The following KIF20B variants were observed in gnomAD, a reference collection of about 807,000 sequenced individuals.
KIF20B encodes kinesin family member 20B.
In KIF20B, 188 loss-of-function variants were observed where a neutral mutation model predicts 232.5. The ratio of observed to expected loss-of-function variants is 0.81; its 90% CI spans 0.72 to 0.91. The LOEUF (loss-of-function observed/expected upper bound fraction) is 0.91, where lower values mean the gene tolerates loss of function less well. Among genes scored for constraint, KIF20B ranks in the 40% least tolerant of loss-of-function variants. The probability of loss-of-function intolerance (pLI) is 0.00; values close to 1 mark genes in which losing one functional copy is unlikely to be tolerated. For missense variants in KIF20B, 2,154 were observed against 2,055.9 expected (o/e 1.05, Z -0.92); for synonymous variants, 712 against 683.0 (o/e 1.04, Z -0.66).
intron 14 of KIF20B, among the ~76,000 whole-genome samples, chr10:89,724,538 A>G (rs971293718): frequency 1.3e-5 from 2 of 152,058 alleles, no homozygotes; most frequent in Non-Finnish European, 2.9e-5. Context: ...TCAGAGAAGA[A>G]AAAAAAGAAT....
At position 89,738,997 on chromosome 10, in the gene KIF20B, G is replaced by C. The variant is rs779935159; in HGVS notation, c.3816G>C (p.Gln1272His). 6.2e-7 allele frequency: 1 copy of C among 1,613,266 alleles called. No homozygotes were observed. Among genetic ancestry groups the C allele is most frequent in the Non-Finnish European group, 8.5e-7 (1 of 1,179,574 alleles). ...EELSASSART[Q>H]NLKADLQRKE... ...TCTCTGCAAGCTCTGCTCGTACCCA[G>C]AATCTGAAAGCAGATCTTCAGAGGA... is the stretch of plus-strand genomic sequence containing the variant. Residue 1272 changes from glutamine to histidine, a missense_variant, in exon 21 of 33, where the codon CAG becomes CAC. By Grantham distance (24) the Gln-to-His change is conservative. Transcript: ENST00000371728.
intron 27 of KIF20B, 58 bp downstream of exon 27, chr10:89,758,940 T>A: frequency 9.2e-7 from 1 of 1,084,720 alleles, no homozygotes; most frequent in Non-Finnish European, 1.3e-6. Context: ...CTTAATTGAC[T>A]AACTCTTAAA....
At chr10:89,762,275 AT>A (rs1358609095) in intron 28 of KIF20B, among the ~76,000 whole-genome samples, 1 of 152,140 alleles carries the variant, frequency 6.6e-6, no homozygotes, top group Non-Finnish European at 1.5e-5. Context: ...GTAGCAAAGT[AT>A]TTGCAGCCTA....
intron 1 of KIF20B, among the ~76,000 whole-genome samples, chr10:89,703,902 G>A (rs1360934130): frequency 6.6e-6 from 1 of 151,962 alleles, no homozygotes; most frequent in Non-Finnish European, 1.5e-5. Flanking sequence ...ACAGGCGCAT[G>A]CCACCACACC....
intron 2 of KIF20B, 55 bp downstream of exon 2, chr10:89,705,496 T>C: frequency 2.0e-6 from 3 of 1,535,110 alleles, no homozygotes; most frequent in Non-Finnish European, 2.7e-6. Context: ...AATGCAAGGG[T>C]TGGCAAACAA....
At position 89,760,621 on chromosome 10, in the gene KIF20B, C is replaced by T; in HGVS notation, c.4776C>T (p.Ser1592=). ...CTCTATCGACAAGTTTTGAAATTTCCAGAAATAAAATAGAGGTGGGTATTT... is the reference window on the plus strand; with the variant it reads ...CTCTATCGACAAGTTTTGAAATTTCTAGAAATAAAATAGAGGTGGGTATTT... The part of the protein sequence containing the change: ...TEPLSTSFEI[S]RNKIEDGSVV... The change falls in exon 28 of 33, where the codon TCC becomes TCT. Residue 1592 remains serine (S), a synonymous_variant. Coordinates refer to ENST00000371728, the MANE Select transcript of KIF20B (RefSeq NM_001284259.2). 1 of 1,600,904 alleles carries T rather than the reference C, an allele frequency of 6.2e-7. No individual in the cohort carries two copies. Among genetic ancestry groups the T allele is most frequent in the South Asian group, 1.1e-5 (1 of 90,724 alleles).
intron 13 of KIF20B, among the ~76,000 whole-genome samples, chr10:89,723,320 A>G (rs1325164094): frequency 6.6e-6 from 1 of 152,222 alleles, no homozygotes; most frequent in Non-Finnish European, 1.5e-5. Context: ...TGAATGTATA[A>G]TGGTCATGTT....
intron 21 of KIF20B, among the ~76,000 whole-genome samples, chr10:89,741,263 A>C (rs1841787980): frequency 1.3e-5 from 2 of 152,174 alleles, no homozygotes; most frequent in South Asian, 2.1e-4. Flanking sequence ...TTGATCTGAC[A>C]GTAGGCGGAG....
chr10:89,765,982 G>A lies in KIF20B; in HGVS notation c.4990-2308G>A, dbSNP rs539903201. Among the ~76,000 whole-genome samples, 15 of 152,136 alleles carry A rather than the reference G, an allele frequency of 9.9e-5. No homozygotes were observed. In the South Asian group the frequency reaches 2.9e-3, roughly 30 times the overall value. On this transcript the variant is annotated intron_variant, in intron 29 of 32. Transcript: ENST00000371728. ...GCTGAATCTGACAATTATGTGTCTT[G>A]GAGTTGCTCTTCTCGAGGAGTATCT... is the stretch of plus-strand genomic sequence containing the variant.
chr10:89,736,392 T>G (rs1210180156), intron 19 of KIF20B, among the ~76,000 whole-genome samples: 1 of 151,784 alleles, frequency 6.6e-6, no homozygotes, highest in Non-Finnish European at 1.5e-5. Context: ...TAATTTATAC[T>G]GGGCACTTAC....
In KIF20B at chr10:89,737,591, A is replaced by G; in HGVS notation, c.2750A>G (p.Gln917Arg). 1.2e-6 allele frequency: 2 copies of G among 1,605,170 alleles called. No individual in the cohort carries two copies. The highest frequency in any genetic ancestry group is 1.7e-6 in the Non-Finnish European group (2 of 1,176,818). Residue 917 changes from glutamine (Q) to arginine (R), a missense_variant, in exon 20 of 33, where the codon CAG becomes CGG. Coordinates refer to ENST00000371728, the MANE Select transcript of KIF20B (RefSeq NM_001284259.2). ...AATAAACAGATTGTTCATTTTCAGCAGGAACTTTCTCTTTCTGAAAAAAAG... is the reference window on the plus strand; with the variant it reads ...AATAAACAGATTGTTCATTTTCAGCGGGAACTTTCTCTTTCTGAAAAAAAG... ...ELNKQIVHFQ[Q>R]ELSLSEKKNL...
intron 29 of KIF20B, among the ~76,000 whole-genome samples, chr10:89,764,866 A>G (rs1356536168): frequency 1.3e-5 from 2 of 152,126 alleles, no homozygotes; most frequent in African/African-American, 2.4e-5. Context: ...CTCTGATGGT[A>G]GTTTCTTTTG....
intron 19 of KIF20B, among the ~76,000 whole-genome samples, chr10:89,736,499 G>A (rs749154004): frequency 6.6e-6 from 1 of 152,108 alleles, no homozygotes; most frequent in Non-Finnish European, 1.5e-5. Flanking sequence ...TGATTATAAT[G>A]GCTAAAGTTC....
chr10:89,727,251 TCCCC>T (rs11315506), intron 16 of KIF20B, among the ~76,000 whole-genome samples: 2 of 149,036 alleles, frequency 1.3e-5, no homozygotes, highest in African/African-American at 5.0e-5. Context: ...TTTTCTGTCT[TCCCC>T]CCCCCTTTTT....
chr10:89,702,841 A>G (rs1842641228), intron 1 of KIF20B, among the ~76,000 whole-genome samples: 1 of 151,442 alleles, frequency 6.6e-6, no homozygotes, highest in African/African-American at 2.4e-5. Flanking sequence ...TAAGTCGCTG[A>G]ATTTGTTATA....
At chr10:89,741,633 A>G (rs151122633) in intron 21 of KIF20B, among the ~76,000 whole-genome samples, 21 of 152,294 alleles carry the variant, frequency 1.4e-4, no homozygotes, top group African/African-American at 4.8e-4. Flanking sequence ...AAGAAAACAG[A>G]CATTGAGGGA....
chr10:89,741,479 A>G (rs913693067), intron 21 of KIF20B, among the ~76,000 whole-genome samples: 5 of 152,180 alleles, frequency 3.3e-5, no homozygotes, highest in East Asian at 1.9e-4. Context: ...AGTATTTTCT[A>G]TTTCTCAAAT....
At chr10:89,711,561 G>A (rs944217743) in intron 6 of KIF20B, among the ~76,000 whole-genome samples, 2 of 151,716 alleles carry the variant, frequency 1.3e-5, no homozygotes, top group Admixed American at 6.6e-5. Flanking sequence ...ATTGTTTTTG[G>A]ACCTTTTCTC....
chr10:89,727,100 TG>T (rs1477687707), intron 16 of KIF20B, among the ~76,000 whole-genome samples: 6 of 152,096 alleles, frequency 3.9e-5, no homozygotes, highest in African/African-American at 1.4e-4. Flanking sequence ...GCATGAGCCG[TG>T]CTGTGCCTGG....
Sources: gnomAD v4.1 joint callset for allele counts (sites outside exome capture counted in the v4.1 genomes callset) on GRCh38, gnomAD v4.1.1 for gene constraint, MANE v1.5 for transcripts, NCBI Gene and HGNC (gene_info 2026-07-23, HGNC 2026-07-21) for gene names.